The following SLCO4A1 variants were observed in gnomAD, a reference collection of about 807,000 sequenced individuals.
The protein encoded by SLCO4A1 is colon organic anion transporter.
SLCO4A1 carries 51 observed loss-of-function variants against 64.6 expected under a neutral mutation model. The ratio of observed to expected loss-of-function variants is 0.79; its 90% CI spans 0.63 to 1.00. SLCO4A1 has a LOEUF of 1.00. Ranked by LOEUF, SLCO4A1 falls within the 50% of genes least tolerant of loss-of-function variation. SLCO4A1 has a pLI of 0.00. For missense variants in SLCO4A1, 919 were observed against 980.5 expected (o/e 0.94, Z 0.84); for synonymous variants, 471 against 444.9 (o/e 1.06, Z -0.74).
downstream of SLCO4A1, among the ~76,000 whole-genome samples, chr20:62,675,220 G>T (rs1286278470): frequency 6.6e-6 from 1 of 152,206 alleles, no homozygotes; most frequent in African/African-American, 2.4e-5. Flanking sequence ...CTGGGTGTAT[G>T]CTGGGCTGCT....
chr20:62,687,700 G>T (rs1032082686), downstream of SLCO4A1, among the ~76,000 whole-genome samples: 1 of 152,200 alleles, frequency 6.6e-6, no homozygotes, highest in African/African-American at 2.4e-5. Context: ...GGGTGCACGG[G>T]CTGTGGGGGG....
downstream of SLCO4A1, among the ~76,000 whole-genome samples, chr20:62,676,088 C>G (rs1472070964): frequency 6.6e-6 from 1 of 152,204 alleles, no homozygotes; most frequent in East Asian, 1.9e-4. Flanking sequence ...GTTGTTGGAC[C>G]AGTTCCTCTT....
rs773889658 is a variant in SLCO4A1, at chr20:62,660,422, A to G, written c.898A>G (p.Thr300Ala). 1.9e-6 allele frequency: 3 copies of G among 1,599,142 alleles called. No individual in the cohort carries two copies. The highest frequency in any genetic ancestry group is 3.3e-5 in the Admixed American group (2 of 59,986). ...CTGCCTCTTCCACAGGACGGAGCTG[A>G]CCACCGAGAGCCCACTGTGGGTCGG... Reference protein sequence around the residue: ...YTEMGRRTELTTESPLWVGAW... With the variant: ...YTEMGRRTELATESPLWVGAW... The change falls in exon 4 of 12, where the codon ACC becomes GCC. Residue 300 changes from threonine (T) to alanine (A), a missense_variant. Transcript: ENST00000217159.
chr20:62,659,417 G>A (rs1984362257), intron 3 of SLCO4A1, among the ~76,000 whole-genome samples: 1 of 152,278 alleles, frequency 6.6e-6, no homozygotes, highest in East Asian at 1.9e-4. Flanking sequence ...CTGCACCTTG[G>A]GACTCTTTCT....
rs1300259720 is a variant in SLCO4A1, at chr20:62,645,439, G to A, written c.-97+2886G>A. ...GGCCCCTGCTGGCCCTTCAGGCTAC[G>A]GTGAGGGTGAGGGTGCGGGTGAGGA... On this transcript the variant is annotated intron_variant, in intron 1 of 11. Coordinates refer to ENST00000217159, the MANE Select transcript of SLCO4A1 (RefSeq NM_016354.4). This position sits in a 1 kb window ranked among gnomAD's most constrained non-coding sequence, Gnocchi z 4.2. Among the ~76,000 whole-genome samples, 3 of 149,790 alleles carry A rather than the reference G, an allele frequency of 2.0e-5. No individual in the cohort carries two copies. Among genetic ancestry groups the A allele is most frequent in the East Asian group, 2.0e-4 (1 of 4,918 alleles).
rs112330720 is a variant in SLCO4A1, at chr20:62,670,808, G to A, written c.2026-942G>A. On this transcript the variant is annotated intron_variant, in intron 11 of 11. Coordinates refer to ENST00000217159, the MANE Select transcript of SLCO4A1 (RefSeq NM_016354.4). ...TGTTAATTGTAGCGGGGGAGCACAC[G>A]GTGTCTCCTTATAAACACCCTCGCA... Among the ~76,000 whole-genome samples, 649 of 152,314 alleles carry A rather than the reference G, an allele frequency of 4.3e-3. 5 individuals carry two copies. The highest frequency in any genetic ancestry group is 0.014 in the African/African-American group (595 of 41,562).
At chr20:62,646,291 T>C (rs990265348) in intron 1 of SLCO4A1, among the ~76,000 whole-genome samples, 8 of 151,350 alleles carry the variant, frequency 5.3e-5, no homozygotes, top group Admixed American at 4.6e-4. Flanking sequence ...ACCTTCACCC[T>C]CAGGAGTCCC....
downstream of SLCO4A1, among the ~76,000 whole-genome samples, chr20:62,674,619 G>A (rs139666457): frequency 3.3e-3 from 506 of 152,300 alleles, 4 homozygotes; most frequent in African/African-American, 0.012. Flanking sequence ...TGTGTTCCCC[G>A]ATGTCTCACA....
Position 62,644,954 on chromosome 20 carries a change from C to T in SLCO4A1, c.-97+2401C>T, listed in dbSNP as rs970938134. 6.6e-6 allele frequency among the ~76,000 whole-genome samples: 1 copy of T among 152,242 alleles called. No individual in the cohort carries two copies. Among genetic ancestry groups the T allele is most frequent in the Non-Finnish European group, 1.5e-5 (1 of 68,038 alleles). ...AGGCCAGCCCTCCTGCTTCCTCAAG[C>T]GGGCTGTGGACAGAGGCCACAAAAC... On this transcript the variant is annotated intron_variant, in intron 1 of 11. Coordinates refer to ENST00000217159, the MANE Select transcript of SLCO4A1 (RefSeq NM_016354.4). This position sits in a 1 kb window ranked among gnomAD's most constrained non-coding sequence, Gnocchi z 5.4.
downstream of SLCO4A1, among the ~76,000 whole-genome samples, chr20:62,674,769 GC>G (rs1039369994): frequency 4.6e-5 from 7 of 152,136 alleles, no homozygotes; most frequent in African/African-American, 1.2e-4. Context: ...GGTGAGGGTG[GC>G]CCCCCGATGG....
intron 11 of SLCO4A1, among the ~76,000 whole-genome samples, chr20:62,669,634 T>C (rs553181906): frequency 2.9e-4 from 44 of 152,366 alleles, no homozygotes; most frequent in African/African-American, 9.9e-4. Context: ...TATTTGTGTT[T>C]GGAATTTGCC....
chr20:62,681,824 GA>G (rs1325411403), intron 2 of SLCO4A1, among the ~76,000 whole-genome samples: 3 of 151,178 alleles, frequency 2.0e-5, no homozygotes, highest in African/African-American at 7.3e-5. Context: ...AGGTCTCACT[GA>G]AAAAAAAATC....
At position 62,685,132 on chromosome 20, in the gene SLCO4A1, G is replaced by A. The variant is rs532962409; in HGVS notation, n.212-309G>A. 9.2e-5 allele frequency among the ~76,000 whole-genome samples: 14 copies of A among 151,996 alleles called. No homozygotes were observed. The highest frequency in any genetic ancestry group is 3.9e-4 in the East Asian group (2 of 5,164). On this transcript the variant is annotated intron_variant and non_coding_transcript_variant, in intron 2 of 2. Transcript: ENST00000466818. This position sits in a 1 kb window ranked among gnomAD's most constrained non-coding sequence, Gnocchi z 4.6. ...CCAGCCAGGGTCATAAAACACACAT[G>A]GTCAGAGCAGGGCACTCAGCTGCCG...
Position 62,656,603 on chromosome 20 carries a change from GC to G in SLCO4A1, c.154del (p.Leu52TrpfsTer67). On this transcript the variant is annotated frameshift_variant, in exon 2 of 12. Coordinates refer to ENST00000217159, the MANE Select transcript of SLCO4A1 (RefSeq NM_016354.4). LOFTEE classifies it high-confidence loss of function. The part of the protein sequence containing the change: ...SPGSLRSAAH[S>X]PLDTSKQPLC... ...GGCTCCCTCCGCTCCGCTGCCCATA[GC>G]CCCCTGGACACCAGCAAGCAGCCCC... 2.5e-6 allele frequency: 4 copies of G among 1,598,702 alleles called. No individual in the cohort carries two copies.
intron 1 of SLCO4A1, among the ~76,000 whole-genome samples, chr20:62,648,328 C>A (rs913520888): frequency 8.5e-5 from 13 of 152,244 alleles, no homozygotes; most frequent in Non-Finnish European, 1.6e-4. Context: ...AGATGTTCTC[C>A]CATGGACAGA....
chr20:62,654,823 G>C (rs1030961653), intron 1 of SLCO4A1, among the ~76,000 whole-genome samples: 1 of 152,190 alleles, frequency 6.6e-6, no homozygotes, highest in Admixed American at 6.5e-5. Context: ...TGTGGACTTA[G>C]ACAACAGAAA....
At chr20:62,667,399 C>T in intron 7 of SLCO4A1, 1 of 252,046 alleles carries the variant, frequency 4.0e-6, no homozygotes, top group Non-Finnish European at 7.7e-6. Context: ...CACGAGGCTG[C>T]CTTTGTGTAC....
Position 62,685,449 on chromosome 20 carries a change from G to A in SLCO4A1, n.220G>A. The A allele has an allele frequency of 1.0e-6, 1 of 985,274 alleles. No homozygotes were observed. Among genetic ancestry groups the A allele is most frequent in the Non-Finnish European group, 1.2e-6 (1 of 829,764 alleles). The allele number at this position is 985,274 out of a possible 1,614,324, so 61.0% of individuals were successfully genotyped here. On this transcript the variant is annotated non_coding_transcript_exon_variant, in exon 3 of 3. Coordinates refer to the SLCO4A1 transcript ENST00000466818. The surrounding 1 kb of genome is among the most constrained non-coding windows in gnomAD (Gnocchi z 4.6). ...GTTGTTTTTTTCTTAAGGAAGAAGA[G>A]AATGAATTTAGAAGGCTGTAAACCC... is the stretch of plus-strand genomic sequence containing the variant.
intron 9 of SLCO4A1, 119 bp from the exon 10 acceptor site, chr20:62,668,358 C>T (rs755430824): frequency 2.3e-6 from 3 of 1,301,510 alleles, no homozygotes; most frequent in Non-Finnish European, 3.3e-6. Flanking sequence ...GAGGGGCTTC[C>T]CACTTGGGGG....
Sources: gnomAD v4.1 joint callset for allele counts (sites outside exome capture counted in the v4.1 genomes callset) on GRCh38, gnomAD v4.1.1 for gene constraint, Gnocchi (gnomAD v3.1) non-coding constraint, MANE v1.5 for transcripts, NCBI Gene and HGNC (gene_info 2026-07-23, HGNC 2026-07-21) for gene names.